Variants in C11orf21 observed in about 807,000 individuals in gnomAD.
C11orf21 encodes uncharacterized protein C11orf21.
Under a neutral mutation model 15.2 loss-of-function variants are expected in C11orf21, and 19 were observed. The observed-to-expected ratio is 1.25, with a 90% CI of 0.87 to 1.84. The LOEUF (loss-of-function observed/expected upper bound fraction) is 1.84, where lower values mean the gene tolerates loss of function less well. Among genes scored for constraint, C11orf21 ranks in the 40% most tolerant of loss-of-function variants. The pLI, the probability that C11orf21 is intolerant of heterozygous loss-of-function variation, is 0.00. For missense variants in C11orf21, 171 were observed against 174.4 expected, an observed-to-expected ratio of 0.98 and a Z score of 0.11; for synonymous variants, 62 against 66.8, an observed-to-expected ratio of 0.93 and a Z score of 0.35.
Position 2,300,884 on chromosome 11 carries a change from G to A in C11orf21, c.54-271C>T, listed in dbSNP as rs925371230. ...TAGACCTGGTACCTTCACTCTTGTT[G>A]CCACCCCTACATTCATACCTGCGCC... On this transcript the variant is annotated intron_variant, in intron 1 of 3. Transcript: ENST00000381153. 37 of 916,782 alleles carry A rather than the reference G, an allele frequency of 4.0e-5. No homozygotes were observed. In the East Asian group the frequency reaches 8.2e-4, roughly 20 times the overall value. The allele number at this position is 916,782 out of a possible 1,614,324, so 56.8% of individuals were successfully genotyped here.
In C11orf21 at chr11:2,300,561, CA is replaced by C. The variant is rs1847691123; in HGVS notation, c.105del (p.Asp36ThrfsTer20). On this transcript the variant is annotated frameshift_variant, in exon 2 of 4. Coordinates refer to ENST00000381153, the MANE Select transcript of C11orf21 (RefSeq NM_001329958.2). LOFTEE classifies it high-confidence loss of function. ...CAGCCGGGGGTTCCCGTCCACCTGT[CA>C]GGGGGTTCGACGCCACTTTGAGATG... ...HLSSQSGVEP[P>X]DRWTGTPGWP... 1 of 1,549,690 alleles carries C rather than the reference CA, an allele frequency of 6.5e-7. No individual in the cohort carries two copies. The highest frequency in any genetic ancestry group is 8.7e-7 in the Non-Finnish European group (1 of 1,146,592).
At chr11:2,302,869 T>C (rs1301692647), upstream of C11orf21, 2 of 1,613,418 alleles carry the variant, frequency 1.2e-6, no homozygotes, top group African/African-American at 2.7e-5. Context: ...GTGGCCACCA[T>C]GGTGACTCTT....
chr11:2,302,888 C>A, upstream of C11orf21: 1 of 1,613,694 alleles, frequency 6.2e-7, no homozygotes, highest in Non-Finnish European at 8.5e-7. Context: ...TTACCTACTT[C>A]GGGGCCCACT....
chr11:2,302,764 C>T (rs1450613623), upstream of C11orf21: 7 of 1,214,020 alleles, frequency 5.8e-6, no homozygotes, highest in Non-Finnish European at 8.3e-6. Context: ...GGAGAGAGCC[C>T]CAACCCTGCC....
chr11:2,301,170 T>G, intron 1 of C11orf21: 1 of 264,358 alleles, frequency 3.8e-6, no homozygotes, highest in Non-Finnish European at 7.4e-6. Context: ...AGCTGGGCCC[T>G]CTTCCCACAG....
rs541754511 is a variant in C11orf21 at position 2,298,415 on chromosome 11, T to C, written c.*29-494A>G. On this transcript the variant is annotated intron_variant, in intron 3 of 3. Coordinates refer to ENST00000381153, the MANE Select transcript of C11orf21 (RefSeq NM_001329958.2). The stretch of plus-strand genomic sequence containing the variant: ...AACAGTCTCTTCATCAAGGGCTAAA[T>C]AAAGCACGCTGACCACCAGGAATGG... 2.3e-3 allele frequency among the ~76,000 whole-genome samples: 356 copies of C among 152,274 alleles called. 2 individuals are homozygous for C. Among genetic ancestry groups the C allele is most frequent in the African/African-American group, 8.3e-3 (346 of 41,556 alleles).
At chr11:2,303,034 G>A (rs970025954), upstream of C11orf21, 61 of 1,339,164 alleles carry the variant, frequency 4.6e-5, no homozygotes, top group Middle Eastern at 1.8e-4. Context: ...CCAGCTGGAC[G>A]CCTCACAGCC....
At position 2,299,667 on chromosome 11, in the gene C11orf21, G is replaced by T; in HGVS notation, c.188C>A (p.Pro63His). The change falls in exon 3 of 4, where the codon CCC becomes CAC. Residue 63 changes from proline (P) to histidine (H), a missense_variant. Physicochemically the swap from Pro to His is moderately conservative, Grantham distance 77 (BLOSUM62 -2). Coordinates refer to ENST00000381153, the MANE Select transcript of C11orf21 (RefSeq NM_001329958.2). ...GSMMPPAAAQ[P>H]SAHGALVPPA... is the part of the protein sequence containing the mutation. ...TGGAACAAGGGCACCATGGGCGGAG[G>T]GTTGGGCAGCTGCAGGTGGCATCAT... The T allele has an allele frequency of 6.4e-7, 1 of 1,551,160 alleles. No homozygotes were observed.
In C11orf21 at chr11:2,296,855, C is replaced by T. The variant is rs1244615441; in HGVS notation, c.*1095G>A. 6.6e-6 allele frequency: 1 copy of T among 152,364 alleles called. No individual in the cohort carries two copies. Among genetic ancestry groups the T allele is most frequent in the Non-Finnish European group, 1.5e-5 (1 of 68,156 alleles). The allele number at this position is 152,364 out of a possible 1,614,324, so 9.4% of individuals were successfully genotyped here. On this transcript the variant is annotated 3_prime_UTR_variant, in exon 4 of 4. Transcript: ENST00000381153. The surrounding 1 kb of genome is among the most constrained non-coding windows in gnomAD (Gnocchi z 5.6). Reference sequence around the variant, plus strand: ...TGAGCGAGCTCCCAACTGGGACACCCCTGACCAGCTCACTCTTATTTTGTC... The same window carrying T: ...TGAGCGAGCTCCCAACTGGGACACCTCTGACCAGCTCACTCTTATTTTGTC...
chr11:2,298,745 G>C (rs1002646183), intron 3 of C11orf21, among the ~76,000 whole-genome samples: 4 of 152,204 alleles, frequency 2.6e-5, no homozygotes, highest in Non-Finnish European at 5.9e-5. Flanking sequence ...GATGTGGATA[G>C]AGACGCCTCC....
chr11:2,299,862 A>G (rs1201832848), intron 2 of C11orf21, among the ~76,000 whole-genome samples, 155 bp from the exon 3 acceptor site: 2 of 130,382 alleles, frequency 1.5e-5, no homozygotes, highest in Non-Finnish European at 3.6e-5. Context: ...ACACGCATCC[A>G]TGCCTGCACA....
intron 3 of C11orf21, among the ~76,000 whole-genome samples, chr11:2,298,731 C>T (rs930940235): frequency 6.6e-6 from 1 of 152,148 alleles, no homozygotes; most frequent in Non-Finnish European, 1.5e-5. Context: ...GGTGGCACAG[C>T]GTGGATGTGG....
chr11:2,298,449 G>A (rs1847582249), intron 3 of C11orf21, among the ~76,000 whole-genome samples: 1 of 152,236 alleles, frequency 6.6e-6, no homozygotes, highest in Admixed American at 6.5e-5. Flanking sequence ...GGGGCAGGAA[G>A]CTTCTGCCCT....
In C11orf21 at chr11:2,299,602, G is replaced by A. The variant is rs1038550390; in HGVS notation, c.253C>T (p.His85Tyr). 1.9e-6 allele frequency: 3 copies of A among 1,551,054 alleles called. No individual in the cohort carries two copies. The highest frequency in any genetic ancestry group is 1.7e-6 in the Non-Finnish European group (2 of 1,146,992). Reference protein sequence around the residue: ...AHEPVDHPALHWLACCCCLSL... With the variant: ...AHEPVDHPALYWLACCCCLSL... The stretch of plus-strand genomic sequence containing the variant: ...AGACAGCAGCAGCAGGCAAGCCAGT[G>A]CAGAGCTGGGTGATCCACAGGTTCA... Residue 85 changes from histidine (H) to tyrosine (Y), a missense_variant, in exon 3 of 4, where the codon CAC (histidine) becomes TAC (tyrosine). Physicochemically the swap from His to Tyr is moderately conservative, Grantham distance 83. Coordinates refer to ENST00000381153, the MANE Select transcript of C11orf21 (RefSeq NM_001329958.2).
rs1168388146 is a variant in C11orf21, at chr11:2,297,717, A to T, written c.*233T>A. 1 of 152,272 alleles carries T rather than the reference A, an allele frequency of 6.6e-6. No homozygotes were observed. Among genetic ancestry groups the T allele is most frequent in the Non-Finnish European group, 1.5e-5 (1 of 68,068 alleles). 9.4% of individuals were successfully genotyped at this position (152,272 alleles called of 1,614,324 possible). A position where few individuals can be genotyped will look rare whatever the true frequency, so the allele number is the denominator to read the frequency against. On this transcript the variant is annotated 3_prime_UTR_variant, in exon 4 of 4. Transcript: ENST00000381153. ...AGGTGAGTGAATGAATGAATGAATG[A>T]ATGAGTGCTGGGAGCTGTCTCAGTT...
intron 1 of C11orf21, chr11:2,300,864 C>A: frequency 8.8e-7 from 1 of 1,137,054 alleles, no homozygotes; most frequent in Non-Finnish European, 1.3e-6. Flanking sequence ...GCCCCTAGAC[C>A]TGGTACCTTC....
upstream of C11orf21, chr11:2,302,343 C>A: frequency 9.3e-7 from 1 of 1,079,626 alleles, no homozygotes; most frequent in Non-Finnish European, 1.2e-6. Flanking sequence ...CTGTCCTGCC[C>A]TTGCAGACAT....
At position 2,301,794 on chromosome 11, in the gene C11orf21, C is replaced by T; in HGVS notation, c.15G>A (p.Trp5Ter). 6.4e-7 allele frequency: 1 copy of T among 1,550,680 alleles called. No homozygotes were observed. The highest frequency in any genetic ancestry group is 8.7e-7 in the Non-Finnish European group (1 of 1,146,936). The part of the protein sequence containing the change: MGRT[W>*]CGMWRRRRPG... ...GGCGCCGTCTCCTCCACATCCCACA[C>T]CAGGTCCTGCCCATGACTTTCCCCC... Residue 5 changes from tryptophan (W) to a stop codon, truncating the protein, a stop_gained, in exon 1 of 4, where the codon TGG becomes TGA. Coordinates refer to ENST00000381153, the MANE Select transcript of C11orf21 (RefSeq NM_001329958.2). LOFTEE classifies it high-confidence loss of function.
In C11orf21 at chr11:2,301,864, C is replaced by T; in HGVS notation, c.-56G>A. The T allele has an allele frequency of 6.5e-7, 1 of 1,550,100 alleles. No homozygotes were observed. The highest frequency in any genetic ancestry group is 8.7e-7 in the Non-Finnish European group (1 of 1,146,878). ...GGCCACACCAAGAACGAGGCCATGT[C>T]TTCCTGGGAAGGGCCTCAGATGTCA... On this transcript the variant is annotated 5_prime_UTR_variant, in exon 1 of 4. Coordinates refer to ENST00000381153, the MANE Select transcript of C11orf21 (RefSeq NM_001329958.2).
Sources: allele counts gnomAD v4.1 joint callset (sites outside exome capture counted in the v4.1 genomes callset), GRCh38; gene constraint gnomAD v4.1.1; non-coding constraint Gnocchi (gnomAD v3.1); transcripts MANE v1.5; gene names NCBI Gene and HGNC (gene_info 2026-07-23, HGNC 2026-07-21).